UNC5C: variants seen among roughly 807,000 people sequenced by gnomAD.
The protein encoded by UNC5C is netrin receptor UNC5C.
In UNC5C, 47 loss-of-function variants were observed where a neutral mutation model predicts 99.8. That is an observed-to-expected ratio of 0.47 (90% CI 0.37 to 0.60). The LOEUF (loss-of-function observed/expected upper bound fraction) is 0.60, where lower values mean the gene tolerates loss of function less well. Among genes scored for constraint, UNC5C ranks in the 20% least tolerant of loss-of-function variants. The probability of loss-of-function intolerance (pLI) is 0.00; values close to 1 mark genes in which losing one functional copy is unlikely to be tolerated. For missense variants in UNC5C, 1,062 were observed against 1,165.9 expected (o/e 0.91, Z 1.30); for synonymous variants, 487 against 452.2 (o/e 1.08, Z -0.98).
At chr4:95,418,611 C>A (rs1746234426) in intron 1 of UNC5C, among the ~76,000 whole-genome samples, 1 of 152,122 alleles carries the variant, frequency 6.6e-6, no homozygotes, top group Non-Finnish European at 1.5e-5. Flanking sequence ...ACATGAATAT[C>A]ATTTACTGAG....
At chr4:95,206,604 A>G (rs762511505) in intron 11 of UNC5C, 24 bp downstream of exon 11, 3 of 1,613,800 alleles carry the variant, frequency 1.9e-6, no homozygotes, top group Admixed American at 3.3e-5. Context: ...CTTGCATAGC[A>G]TCTTTATCCC....
chr4:95,457,108 T>C (rs146458630), intron 1 of UNC5C, among the ~76,000 whole-genome samples: 10 of 152,254 alleles, frequency 6.6e-5, no homozygotes, highest in African/African-American at 2.4e-4. Context: ...TTTACCTATA[T>C]GTTTACACAC....
At chr4:95,255,019 C>T (rs573362432) in intron 4 of UNC5C, among the ~76,000 whole-genome samples, 2 of 151,482 alleles carry the variant, frequency 1.3e-5, no homozygotes, top group South Asian at 4.2e-4. Flanking sequence ...AAGACAAAGT[C>T]TCACCGTGTG....
chr4:95,417,814 C>A lies in UNC5C; in HGVS notation c.125-82183G>T, dbSNP rs76500861. On this transcript the variant is annotated intron_variant, in intron 1 of 15. Transcript: ENST00000453304. The stretch of plus-strand genomic sequence containing the variant: ...GTTGTTTATCATCACCACATCAATT[C>A]TTTCTTCTCCTTTGATCTGTTCTCA... Among the ~76,000 whole-genome samples, 259 of 152,280 alleles carry A rather than the reference C, an allele frequency of 1.7e-3. 2 individuals are homozygous for A. The highest frequency in any genetic ancestry group is 5.7e-3 in the African/African-American group (238 of 41,556).
chr4:95,472,271 G>A (rs566970474), intron 1 of UNC5C, among the ~76,000 whole-genome samples: 1 of 152,222 alleles, frequency 6.6e-6, no homozygotes, highest in African/African-American at 2.4e-5. Context: ...TGAAGGAGAA[G>A]CCTTTCATTT....
intron 1 of UNC5C, among the ~76,000 whole-genome samples, chr4:95,485,012 T>C (rs1721282366): frequency 6.6e-6 from 1 of 151,878 alleles, no homozygotes; most frequent in Non-Finnish European, 1.5e-5. Flanking sequence ...ATATAAACTC[T>C]TTGGGCTTAT....
intron 7 of UNC5C, among the ~76,000 whole-genome samples, chr4:95,239,105 T>C (rs72672784): frequency 0.033 from 4,975 of 152,304 alleles, 108 homozygotes; most frequent in South Asian, 0.086. Context: ...TTGGGAACTT[T>C]GTATTGTAAG....
intron 7 of UNC5C, among the ~76,000 whole-genome samples, chr4:95,236,729 C>A (rs1403616193): frequency 1.3e-5 from 2 of 152,090 alleles, no homozygotes; most frequent in African/African-American, 2.4e-5. Context: ...TCACTAAATA[C>A]ATATATAAAT....
intron 11 of UNC5C, among the ~76,000 whole-genome samples, chr4:95,204,795 A>G (rs1737814760): frequency 1.3e-5 from 2 of 152,214 alleles, no homozygotes; most frequent in African/African-American, 4.8e-5. Context: ...ACACTTAGTT[A>G]TACATTTAGT....
chr4:95,188,435 A>G (rs1356473686), intron 12 of UNC5C, among the ~76,000 whole-genome samples: 2 of 152,234 alleles, frequency 1.3e-5, no homozygotes, highest in African/African-American at 2.4e-5. Context: ...CCACACAGGA[A>G]CAGGAGCTGA....
At chr4:95,459,069 T>C (rs1410056720) in intron 1 of UNC5C, among the ~76,000 whole-genome samples, 1 of 152,146 alleles carries the variant, frequency 6.6e-6, no homozygotes, top group Non-Finnish European at 1.5e-5. Context: ...TTTAGGAATT[T>C]TCCTGGGTTA....
intron 1 of UNC5C, among the ~76,000 whole-genome samples, chr4:95,352,274 T>C (rs1744018623): frequency 6.6e-6 from 1 of 152,166 alleles, no homozygotes; most frequent in African/African-American, 2.4e-5. Context: ...CTGGTGTTTG[T>C]ATCTTTGAAC....
rs758669737 is a variant in UNC5C at position 95,548,696 on chromosome 4, T to G, written c.124+38A>C. ...GAGAGGAAGGAGGGAAGGAAGAAGC[T>G]AAGGGAGGTGGCCGCGGAGCTTGGC... On this transcript the variant is annotated intron_variant, in intron 1 of 15. Coordinates refer to ENST00000453304, the MANE Select transcript of UNC5C (RefSeq NM_003728.4). The G allele has an allele frequency of 2.5e-5, 40 of 1,607,534 alleles. No homozygotes were observed. The East Asian group carries it at 9.0e-4, about 36-fold the overall frequency.
intron 2 of UNC5C, among the ~76,000 whole-genome samples, chr4:95,329,412 T>G (rs1182277321): frequency 1.3e-5 from 2 of 152,198 alleles, no homozygotes; most frequent in Non-Finnish European, 2.9e-5. Flanking sequence ...TTCAGATAGT[T>G]CCTAGGTTTG....
At chr4:95,409,827 C>T (rs967543302) in intron 1 of UNC5C, among the ~76,000 whole-genome samples, 3 of 152,162 alleles carry the variant, frequency 2.0e-5, no homozygotes, top group Non-Finnish European at 4.4e-5. Flanking sequence ...CTGCTCCATT[C>T]CTCACCTGTC....
chr4:95,191,488 G>A (rs113516764), intron 12 of UNC5C, among the ~76,000 whole-genome samples: 1,986 of 152,038 alleles, frequency 0.013, 52 homozygotes, highest in African/African-American at 0.044. Flanking sequence ...CAGCGGATCT[G>A]GTGGGCTAGT....
chr4:95,341,067 A>C (rs1743554149), intron 1 of UNC5C, among the ~76,000 whole-genome samples: 1 of 152,192 alleles, frequency 6.6e-6, no homozygotes, highest in South Asian at 2.1e-4. Context: ...TGGGTATCAC[A>C]GAAGATAGAA....
At chr4:95,356,385 T>C (rs1744205696) in intron 1 of UNC5C, among the ~76,000 whole-genome samples, 1 of 152,170 alleles carries the variant, frequency 6.6e-6, no homozygotes, top group Non-Finnish European at 1.5e-5. Context: ...CCAGTTACCA[T>C]ATCACTTACC....
At chr4:95,216,081 T>G (rs1324097152) in intron 10 of UNC5C, 43 bp downstream of exon 10, 1 of 1,536,738 alleles carries the variant, frequency 6.5e-7, no homozygotes, top group Non-Finnish European at 9.0e-7. Flanking sequence ...CTCCTCCAAG[T>G]TAGACATTGG....
Sources: allele counts gnomAD v4.1 joint callset (sites outside exome capture counted in the v4.1 genomes callset), GRCh38; gene constraint gnomAD v4.1.1; transcripts MANE v1.5; gene names NCBI Gene and HGNC (gene_info 2026-07-23, HGNC 2026-07-21).